STK32B: variants seen among roughly 807,000 people sequenced by gnomAD.
The protein encoded by STK32B is serine/threonine-protein kinase 32B.
Under a neutral mutation model 52.6 loss-of-function variants are expected in STK32B, and 43 were observed. The ratio of observed to expected loss-of-function variants is 0.82; its 90% CI spans 0.64 to 1.05. The LOEUF is 1.05. Among genes scored for constraint, STK32B ranks in the 50% least tolerant of loss-of-function variants. The pLI is 0.00. For synonymous variants in STK32B, 238 were observed against 204.3 expected, an observed-to-expected ratio of 1.17 and a Z score of -1.41; for missense variants, 621 against 534.6, an observed-to-expected ratio of 1.16 and a Z score of -1.59.
intron 3 of STK32B, among the ~76,000 whole-genome samples, chr4:5,270,881 T>A (rs1427511796): frequency 2.0e-5 from 3 of 152,210 alleles, no homozygotes; most frequent in Non-Finnish European, 4.4e-5. Flanking sequence ...ATATAAAATT[T>A]AATTCTGTTT....
At chr4:5,297,006 G>A (rs1367336427) in intron 3 of STK32B, among the ~76,000 whole-genome samples, 1 of 152,134 alleles carries the variant, frequency 6.6e-6, no homozygotes, top group Non-Finnish European at 1.5e-5. Context: ...TTGCTTGTCT[G>A]TAAAGGATTT....
In STK32B at chr4:5,058,425, A is replaced by C. The variant is rs186432856; in HGVS notation, c.52+6510A>C. On this transcript the variant is annotated intron_variant, in intron 1 of 11. Transcript: ENST00000282908. The surrounding 1 kb of genome is among the most constrained non-coding windows in gnomAD (Gnocchi z 4.8). The stretch of plus-strand genomic sequence containing the variant: ...TATCACTCCATCTTGGAGCAACCAC[A>C]GTGATCTACATGGTGGAACTTATTT... 2.0e-4 allele frequency among the ~76,000 whole-genome samples: 30 copies of C among 152,146 alleles called. No homozygotes were observed. The South Asian group carries it at 4.6e-3, about 23-fold the overall frequency.
At chr4:5,230,632 G>A (rs1724199248) in intron 3 of STK32B, among the ~76,000 whole-genome samples, 1 of 152,162 alleles carries the variant, frequency 6.6e-6, no homozygotes, top group Admixed American at 6.5e-5. Context: ...CCCTGGAAAG[G>A]TCTGGGACAG....
intron 3 of STK32B, among the ~76,000 whole-genome samples, chr4:5,253,467 C>T (rs1371128258): frequency 6.6e-6 from 1 of 152,114 alleles, no homozygotes; most frequent in Non-Finnish European, 1.5e-5. Flanking sequence ...CTCCTTCTCC[C>T]AGGCTCAAGC....
intron 2 of STK32B, among the ~76,000 whole-genome samples, chr4:5,152,230 A>G (rs1717427230): frequency 6.6e-6 from 1 of 152,252 alleles, no homozygotes. Context: ...AGGTGGGTGA[A>G]GAGATGGCGT....
intron 4 of STK32B, among the ~76,000 whole-genome samples, chr4:5,355,147 G>A (rs571625107): frequency 1.6e-4 from 25 of 152,266 alleles, no homozygotes; most frequent in South Asian, 1.5e-3. Context: ...AACAGGAAAC[G>A]AATCCTCTAC....
At chr4:5,392,342 C>G (rs1047912723) in intron 4 of STK32B, among the ~76,000 whole-genome samples, 1 of 152,278 alleles carries the variant, frequency 6.6e-6, no homozygotes, top group South Asian at 2.1e-4. Flanking sequence ...ATGAGAATCA[C>G]TGGAATTCAG....
chr4:5,163,209 G>A (rs1718580863), intron 2 of STK32B, among the ~76,000 whole-genome samples: 1 of 152,178 alleles, frequency 6.6e-6, no homozygotes, highest in South Asian at 2.1e-4. Context: ...CTAATGTGGA[G>A]AGTCATGAGT....
chr4:5,201,997 C>T (rs1030365150), intron 3 of STK32B, among the ~76,000 whole-genome samples: 2 of 152,130 alleles, frequency 1.3e-5, no homozygotes, highest in African/African-American at 4.8e-5. Flanking sequence ...CAACAGTCCC[C>T]CAAAGTCTTA....
At chr4:5,172,335 C>G (rs1253212880) in intron 3 of STK32B, among the ~76,000 whole-genome samples, 2 of 152,140 alleles carry the variant, frequency 1.3e-5, no homozygotes, top group African/African-American at 4.8e-5. Context: ...GCCAGAACCT[C>G]CAACACTATG....
chr4:5,228,501 A>G lies in STK32B; in HGVS notation c.260+60051A>G, dbSNP rs193063839. 4.7e-3 allele frequency among the ~76,000 whole-genome samples: 722 copies of G among 152,264 alleles called. 8 individuals are homozygous for G. Among genetic ancestry groups the G allele is most frequent in the Non-Finnish European group, 2.6e-3 (178 of 68,022 alleles). On this transcript the variant is annotated intron_variant, in intron 3 of 11. Transcript: ENST00000282908. Reference sequence around the variant, plus strand: ...ATATGCTTCAGTGGCTTCTTCATTTATAGTTTGAAAAGCTGCAATAAAATT... The same window carrying G: ...ATATGCTTCAGTGGCTTCTTCATTTGTAGTTTGAAAAGCTGCAATAAAATT...
At position 5,171,495 on chromosome 4, in the gene STK32B, G is replaced by T. The variant is rs117394317; in HGVS notation, c.260+3045G>T. On this transcript the variant is annotated intron_variant, in intron 3 of 11. Transcript: ENST00000282908. ...GCATTAATTTTTGTATAAGGTACAA[G>T]GAAGGTGTCCAGTTTCAGCTTTCTC... 2.1e-3 allele frequency among the ~76,000 whole-genome samples: 326 copies of T among 152,282 alleles called. 6 individuals carry two copies. In the East Asian group the frequency reaches 0.052, roughly 24 times the overall value.
chr4:5,331,599 C>G (rs1732256839), intron 4 of STK32B, among the ~76,000 whole-genome samples: 1 of 152,184 alleles, frequency 6.6e-6, no homozygotes, highest in African/African-American at 2.4e-5. Context: ...TACCCGTACA[C>G]TACTGTTTAG....
chr4:5,281,971 A>T (rs183758020), intron 3 of STK32B, among the ~76,000 whole-genome samples: 3 of 152,056 alleles, frequency 2.0e-5, no homozygotes, highest in African/African-American at 7.2e-5. Flanking sequence ...TTCATTCTTA[A>T]TTTTTTTATT....
At position 5,469,201 on chromosome 4, in the gene STK32B, C is replaced by T. The variant is rs1456597048; in HGVS notation, c.1106+1131C>T. 2.6e-5 allele frequency among the ~76,000 whole-genome samples: 4 copies of T among 152,170 alleles called. No individual in the cohort carries two copies. The highest frequency in any genetic ancestry group is 9.7e-5 in the African/African-American group (4 of 41,434). On this transcript the variant is annotated intron_variant, in intron 11 of 11. Coordinates refer to ENST00000282908, the MANE Select transcript of STK32B (RefSeq NM_018401.3). This position sits in a 1 kb window ranked among gnomAD's most constrained non-coding sequence, Gnocchi z 4.7. ...AGGCAAATCAGAGATGCTTCCTGCC[C>T]TCCAGGAGATTCAAATATTGATTGA...
intron 2 of STK32B, among the ~76,000 whole-genome samples, chr4:5,153,534 G>A (rs1004540766): frequency 1.3e-5 from 2 of 151,054 alleles, no homozygotes; most frequent in Admixed American, 6.6e-5. Flanking sequence ...AAAGAAAGTA[G>A]GGCCTAGAAG....
At chr4:5,172,275 C>T (rs1457033855) in intron 3 of STK32B, among the ~76,000 whole-genome samples, 1 of 152,148 alleles carries the variant, frequency 6.6e-6, no homozygotes, top group African/African-American at 2.4e-5. Flanking sequence ...TTGACTTCCT[C>T]TTTTCCTAAT....
intron 3 of STK32B, among the ~76,000 whole-genome samples, chr4:5,213,737 C>T (rs865829609): frequency 5.3e-5 from 8 of 152,172 alleles, no homozygotes; most frequent in African/African-American, 1.9e-4. Context: ...AAGCTGTTTG[C>T]TCCTTTTTAA....
At chr4:5,468,998 C>T (rs924469576) in intron 11 of STK32B, among the ~76,000 whole-genome samples, 2 of 150,262 alleles carry the variant, frequency 1.3e-5, no homozygotes, top group African/African-American at 2.5e-5. Flanking sequence ...TGCAGTGAGC[C>T]GAGATCGCGC....
Sources: gnomAD v4.1 joint callset for allele counts (sites outside exome capture counted in the v4.1 genomes callset) on GRCh38, gnomAD v4.1.1 for gene constraint, Gnocchi (gnomAD v3.1) non-coding constraint, MANE v1.5 for transcripts, NCBI Gene and HGNC (gene_info 2026-07-23, HGNC 2026-07-21) for gene names.